KLF12: variants seen among roughly 807,000 people sequenced by gnomAD.
KLF12 encodes KLF transcription factor 12, also known as Krueppel-like factor 12.
KLF12 carries 9 observed loss-of-function variants against 37.8 expected under a neutral mutation model. That is an observed-to-expected ratio of 0.24 (90% CI 0.14 to 0.42). The LOEUF is 0.42. Ranked by LOEUF, KLF12 falls within the 10% of genes least tolerant of loss-of-function variation. KLF12 has a pLI of 1.00. For synonymous variants in KLF12, 208 were observed against 202.1 expected (o/e 1.03, Z -0.25); for missense variants, 411 against 516.0 (o/e 0.80, Z 1.97).
intron 3 of KLF12, among the ~76,000 whole-genome samples, chr13:73,918,886 T>C (rs1888980528): frequency 6.6e-6 from 1 of 152,216 alleles, no homozygotes; most frequent in South Asian, 2.1e-4. Flanking sequence ...AATTCCTGTT[T>C]TGAGTTGTGC....
At chr13:74,242,547 C>T in the KLF12 span, among the ~76,000 whole-genome samples, 10 of 152,264 alleles carry the variant, frequency 6.6e-5, no homozygotes, top group East Asian at 3.9e-4. Flanking sequence ...ATGGGAATTA[C>T]GGGAGCTACA....
chr13:73,785,118 A>AC (rs1881259947), intron 5 of KLF12, among the ~76,000 whole-genome samples: 1 of 145,874 alleles, frequency 6.9e-6, no homozygotes, highest in African/African-American at 2.5e-5. Flanking sequence ...TAATTATCTA[A>AC]TTTTTTTTTT....
At chr13:74,208,745 T>C in the KLF12 span, among the ~76,000 whole-genome samples, 1 of 152,016 alleles carries the variant, frequency 6.6e-6, no homozygotes, top group African/African-American at 2.4e-5. Flanking sequence ...GAGGCTAAGA[T>C]GGGAGGACTG....
the KLF12 span, among the ~76,000 whole-genome samples, chr13:74,271,239 T>A: frequency 4.6e-5 from 7 of 152,096 alleles, no homozygotes; most frequent in Non-Finnish European, 1.5e-5. Flanking sequence ...ACAAAACCAG[T>A]CCCTGATGCC....
chr13:73,699,428 A>G (rs1219293271), intron 7 of KLF12, among the ~76,000 whole-genome samples: 2 of 152,136 alleles, frequency 1.3e-5, no homozygotes, highest in Non-Finnish European at 2.9e-5. Context: ...AAAATTAAAA[A>G]AAATTGAAAA....
chr13:74,005,062 C>T (rs1249734200), intron 1 of KLF12, among the ~76,000 whole-genome samples: 1 of 152,180 alleles, frequency 6.6e-6, no homozygotes, highest in African/African-American at 2.4e-5. Flanking sequence ...GTGCTTGAGG[C>T]TGTTACCCTA....
chr13:74,133,966 A>G (rs1013879595), upstream of KLF12, among the ~76,000 whole-genome samples: 1 of 152,062 alleles, frequency 6.6e-6, no homozygotes, highest in African/African-American at 2.4e-5. Flanking sequence ...CTTGCAAATG[A>G]CTTACCCGGA....
chr13:74,272,889 G>A, the KLF12 span, among the ~76,000 whole-genome samples: 1 of 152,110 alleles, frequency 6.6e-6, no homozygotes, highest in Admixed American at 6.6e-5. Context: ...CTGGTATTCT[G>A]AGTGAGATAA....
At chr13:73,704,347 C>T (rs1874770394) in intron 7 of KLF12, among the ~76,000 whole-genome samples, 2 of 152,178 alleles carry the variant, frequency 1.3e-5, no homozygotes, top group African/African-American at 4.8e-5. Context: ...TAAACATGTT[C>T]CTCTTCCGGT....
chr13:73,995,681 T>G (rs1892093323), intron 1 of KLF12, among the ~76,000 whole-genome samples: 1 of 152,214 alleles, frequency 6.6e-6, no homozygotes, highest in African/African-American at 2.4e-5. Context: ...TTTATGTGGT[T>G]TCTAAAAGGT....
intron 3 of KLF12, among the ~76,000 whole-genome samples, chr13:73,857,310 T>C (rs180712981): frequency 4.6e-5 from 7 of 152,298 alleles, no homozygotes; most frequent in Non-Finnish European, 8.8e-5. Context: ...AGATGACGTG[T>C]TCTAGAAAAC....
At chr13:73,960,652 T>C (rs1890995477) in intron 2 of KLF12, among the ~76,000 whole-genome samples, 1 of 152,144 alleles carries the variant, frequency 6.6e-6, no homozygotes, top group South Asian at 2.1e-4. Flanking sequence ...ATTTAACTAA[T>C]ACAAAACTTA....
chr13:73,843,447 A>G (rs1303139506), intron 4 of KLF12, among the ~76,000 whole-genome samples: 1 of 152,030 alleles, frequency 6.6e-6, no homozygotes, highest in Non-Finnish European at 1.5e-5. Flanking sequence ...AGCTGGGATT[A>G]CAGGCGTGCG....
intron 2 of KLF12, among the ~76,000 whole-genome samples, chr13:73,957,679 T>C (rs1180769017): frequency 6.6e-6 from 1 of 152,222 alleles, no homozygotes; most frequent in Non-Finnish European, 1.5e-5. Context: ...GAACAAAATA[T>C]TTCACAATAT....
At chr13:74,150,415 CATGCCTTT>C in the KLF12 span, among the ~76,000 whole-genome samples, 1 of 152,190 alleles carries the variant, frequency 6.6e-6, no homozygotes, top group Non-Finnish European at 1.5e-5. Context: ...ACATTTCGTT[CATGCCTTT>C]CATTCACAAA....
intron 5 of KLF12, among the ~76,000 whole-genome samples, chr13:73,809,440 CAG>C (rs67541652): frequency 0.077 from 10,522 of 137,108 alleles, 498 homozygotes; most frequent in Non-Finnish European, 0.11. Flanking sequence ...GATAAACTAA[CAG>C]AAAAGCAGAA....
intron 1 of KLF12, among the ~76,000 whole-genome samples, chr13:74,037,990 C>T (rs181865442): frequency 3.3e-5 from 5 of 152,282 alleles, no homozygotes; most frequent in African/African-American, 9.6e-5. Context: ...TGGAACCCCA[C>T]ATACACAAGA....
chr13:73,944,807 C>T (rs910431337), intron 2 of KLF12, among the ~76,000 whole-genome samples: 3 of 152,140 alleles, frequency 2.0e-5, no homozygotes, highest in African/African-American at 4.8e-5. Context: ...TTATTTTCTA[C>T]GTAATTGTCA....
intron 2 of KLF12, among the ~76,000 whole-genome samples, chr13:73,982,431 T>C (rs1420588893): frequency 6.6e-6 from 1 of 152,076 alleles, no homozygotes; most frequent in African/African-American, 2.4e-5. Flanking sequence ...CTTCCATTAT[T>C]GAAAGGTAAA....
Sources: allele counts gnomAD v4.1 joint callset (sites outside exome capture counted in the v4.1 genomes callset), GRCh38; gene constraint gnomAD v4.1.1; transcripts MANE v1.5; gene names NCBI Gene and HGNC (gene_info 2026-07-23, HGNC 2026-07-21).